The following GRIP1 variants were observed in gnomAD, a reference collection of about 807,000 sequenced individuals.
GRIP1 encodes the protein glutamate receptor interacting protein 1.
Under a neutral mutation model 129.9 loss-of-function variants are expected in GRIP1, and 45 were observed. That is an observed-to-expected ratio of 0.35 (90% CI 0.27 to 0.44). The LOEUF (loss-of-function observed/expected upper bound fraction) is 0.44. GRIP1 is among the 20% of genes least tolerant of loss of function. GRIP1 has a pLI of 1.00. For synonymous variants in GRIP1, 530 were observed against 520.8 expected (o/e 1.02, Z -0.24); for missense variants, 1,196 against 1,396.8 (o/e 0.86, Z 2.29).
At chr12:66,371,486 T>C (rs371967134) in intron 23 of GRIP1, among the ~76,000 whole-genome samples, 17 of 152,340 alleles carry the variant, frequency 1.1e-4, no homozygotes, top group African/African-American at 4.1e-4. Flanking sequence ...GATAAATACA[T>C]TGCTTGAAAG....
At chr12:67,002,924 C>T (rs2042573216) in intron 1 of GRIP1, among the ~76,000 whole-genome samples, 1 of 152,142 alleles carries the variant, frequency 6.6e-6, no homozygotes, top group Non-Finnish European at 1.5e-5. Flanking sequence ...CCACTCATGC[C>T]TCTCCCCTGC....
At chr12:66,479,200 G>T (rs1366723270) in intron 7 of GRIP1, among the ~76,000 whole-genome samples, 2 of 151,588 alleles carry the variant, frequency 1.3e-5, no homozygotes, top group East Asian at 3.9e-4. Flanking sequence ...AAAGAGAAAA[G>T]AATCAAATAG....
At position 66,528,134 on chromosome 12, in the gene GRIP1, G is replaced by GTTTTTTTTTTTTTT. The variant is rs59443918; in HGVS notation, c.502+1683_502+1696dup. 2.2e-3 allele frequency among the ~76,000 whole-genome samples: 219 copies of GTTTTTTTTTTTTTT among 99,182 alleles called. 15 individuals carry two copies. The highest frequency in any genetic ancestry group is 9.8e-3 in the African/African-American group (206 of 21,062). The allele number at this position is 99,182 out of a possible 152,430, so 65.1% of individuals were successfully genotyped here. ...TAGAATTATACTTTAGAATTAGTAGGTTTTTTTTTTTTTTTTTTGAGATGG... is the reference window on the plus strand; with the variant it reads ...TAGAATTATACTTTAGAATTAGTAGGTTTTTTTTTTTTTTTTTTTTTTTTTTTTTTTTGAGATGG... On this transcript the variant is annotated intron_variant, in intron 5 of 24. Coordinates refer to ENST00000359742, the MANE Select transcript of GRIP1 (RefSeq NM_001366722.1).
At chr12:66,737,887 G>T (rs1354784695) in intron 1 of GRIP1, among the ~76,000 whole-genome samples, 1 of 152,214 alleles carries the variant, frequency 6.6e-6, no homozygotes, top group Non-Finnish European at 1.5e-5. Context: ...TTAGACAGGT[G>T]ATTGCCTAAT....
intron 1 of GRIP1, among the ~76,000 whole-genome samples, chr12:66,853,176 G>A (rs915591253): frequency 1.3e-5 from 2 of 151,502 alleles, no homozygotes; most frequent in African/African-American, 4.8e-5. Context: ...TTCTTTATAT[G>A]AACACCAGGA....
At chr12:66,620,973 G>A (rs1399275489) in intron 1 of GRIP1, among the ~76,000 whole-genome samples, 1 of 152,090 alleles carries the variant, frequency 6.6e-6, no homozygotes, top group Non-Finnish European at 1.5e-5. Flanking sequence ...AATCCCAGAG[G>A]CAAAAGATAA....
At position 66,385,356 on chromosome 12, in the gene GRIP1, C is replaced by T. The variant is rs371972599; in HGVS notation, c.2465-5920G>A. 2.6e-4 allele frequency among the ~76,000 whole-genome samples: 39 copies of T among 151,840 alleles called. No individual in the cohort carries two copies. The East Asian group carries it at 4.7e-3, about 18-fold the overall frequency. On this transcript the variant is annotated intron_variant, in intron 19 of 24. Coordinates refer to ENST00000359742, the MANE Select transcript of GRIP1 (RefSeq NM_001366722.1). ...TTCAAGACCAGCCTGGACAACATGG[C>T]GAAACACCATCTCTACTAAAAACAT... is the stretch of plus-strand genomic sequence containing the variant.
At chr12:66,616,733 A>C (rs890772111) in intron 1 of GRIP1, among the ~76,000 whole-genome samples, 20 of 152,132 alleles carry the variant, frequency 1.3e-4, no homozygotes, top group African/African-American at 4.8e-4. Context: ...CTTTAAAGCC[A>C]ACCTAAGCAA....
At chr12:66,518,414 A>G (rs1271868235) in intron 5 of GRIP1, among the ~76,000 whole-genome samples, 1 of 132,504 alleles carries the variant, frequency 7.5e-6, no homozygotes, top group Admixed American at 8.3e-5. Context: ...ACTAAAAAAG[A>G]AAGCCAAAAA....
intron 19 of GRIP1, among the ~76,000 whole-genome samples, chr12:66,386,279 T>C (rs2056352764): frequency 6.6e-6 from 1 of 152,192 alleles, no homozygotes; most frequent in Non-Finnish European, 1.5e-5. Context: ...TTTTAATTCA[T>C]ACCCAGCATT....
intron 1 of GRIP1, among the ~76,000 whole-genome samples, chr12:66,641,215 A>G (rs1225793702): frequency 6.6e-6 from 1 of 152,224 alleles, no homozygotes; most frequent in African/African-American, 2.4e-5. Context: ...GATGCCTCAC[A>G]GAATTCACAG....
intron 1 of GRIP1, among the ~76,000 whole-genome samples, chr12:66,707,199 A>G (rs938085754): frequency 2.6e-5 from 4 of 151,884 alleles, no homozygotes; most frequent in African/African-American, 9.7e-5. Context: ...CTCTGTCCCC[A>G]AAGTCCACAT....
At chr12:66,748,427 AT>A in intron 1 of GRIP1, among the ~76,000 whole-genome samples, 1 of 152,298 alleles carries the variant, frequency 6.6e-6, no homozygotes, top group East Asian at 1.9e-4. Flanking sequence ...AGTTTCCTGA[AT>A]TGTAAAATAA....
At chr12:66,956,685 T>G (rs2041846886) in intron 1 of GRIP1, among the ~76,000 whole-genome samples, 1 of 152,200 alleles carries the variant, frequency 6.6e-6, no homozygotes, top group Non-Finnish European at 1.5e-5. Context: ...GATGATGTCC[T>G]ATTTTCCCTG....
At chr12:66,477,688 C>T (rs2059661934) in intron 7 of GRIP1, among the ~76,000 whole-genome samples, 1 of 152,240 alleles carries the variant, frequency 6.6e-6, no homozygotes, top group African/African-American at 2.4e-5. Context: ...GAGATATAGG[C>T]TAATGGAACA....
chr12:66,644,105 C>A (rs968910157), intron 1 of GRIP1, among the ~76,000 whole-genome samples: 2 of 152,114 alleles, frequency 1.3e-5, no homozygotes, highest in South Asian at 4.1e-4. Context: ...ATAAACCCAT[C>A]AGATCTTGTG....
chr12:66,712,704 G>A (rs2035749422), intron 1 of GRIP1, among the ~76,000 whole-genome samples: 1 of 151,976 alleles, frequency 6.6e-6, no homozygotes, highest in Admixed American at 6.6e-5. Flanking sequence ...GACCTGGGGT[G>A]AATCACTTTC....
intron 1 of GRIP1, among the ~76,000 whole-genome samples, chr12:66,856,126 AT>A (rs2039998787): frequency 6.6e-6 from 1 of 152,124 alleles, no homozygotes; most frequent in Non-Finnish European, 1.5e-5. Context: ...TGGGGAAAGG[AT>A]TCCCTATTTA....
At chr12:67,060,234 G>A (rs535415355) in intron 1 of GRIP1, among the ~76,000 whole-genome samples, 10 of 152,292 alleles carry the variant, frequency 6.6e-5, no homozygotes, top group African/African-American at 2.4e-4. Context: ...AAGACAAAGT[G>A]ATATCAGACT....
Sources: allele counts gnomAD v4.1 joint callset (sites outside exome capture counted in the v4.1 genomes callset), GRCh38; gene constraint gnomAD v4.1.1; transcripts MANE v1.5; gene names NCBI Gene and HGNC (gene_info 2026-07-23, HGNC 2026-07-21).